Variants in PHACTR1 observed in about 807,000 individuals in gnomAD.
PHACTR1 encodes the protein phosphatase and actin regulator 1, also known as RPEL repeat containing 1.
In PHACTR1, 16 loss-of-function variants were observed where a neutral mutation model predicts 69.2. The observed-to-expected ratio is 0.23, with a 90% CI of 0.16 to 0.35. The LOEUF (loss-of-function observed/expected upper bound fraction) is 0.35, where lower values mean the gene tolerates loss of function less well. Among genes scored for constraint, PHACTR1 ranks in the 10% least tolerant of loss-of-function variants. The pLI is 1.00. For synonymous variants in PHACTR1, 312 were observed against 284.5 expected, an observed-to-expected ratio of 1.10 and a Z score of -0.97; for missense variants, 510 against 734.7, an observed-to-expected ratio of 0.69 and a Z score of 3.54.
chr6:12,792,131 A>G (rs1453399739), intron 4 of PHACTR1, among the ~76,000 whole-genome samples: 1 of 152,128 alleles, frequency 6.6e-6, no homozygotes, highest in Non-Finnish European at 1.5e-5. Context: ...TATGTATATG[A>G]TTATATATCA....
At chr6:13,255,370 A>G (rs1020998108) in intron 10 of PHACTR1, among the ~76,000 whole-genome samples, 2 of 152,170 alleles carry the variant, frequency 1.3e-5, no homozygotes, top group African/African-American at 4.8e-5. Context: ...AGATTTGGGT[A>G]GGGACACAGA....
At chr6:12,730,759 C>T (rs1426593322) in intron 3 of PHACTR1, among the ~76,000 whole-genome samples, 1 of 152,160 alleles carries the variant, frequency 6.6e-6, no homozygotes, top group African/African-American at 2.4e-5. Flanking sequence ...CTCCCACCCT[C>T]CGGCCTCCAA....
chr6:13,204,500 G>A (rs1023944019), intron 7 of PHACTR1, among the ~76,000 whole-genome samples: 2 of 152,186 alleles, frequency 1.3e-5, no homozygotes, highest in African/African-American at 4.8e-5. Context: ...CTCCAGAAAT[G>A]TGGGGTATGG....
intron 4 of PHACTR1, among the ~76,000 whole-genome samples, chr6:12,773,365 A>G (rs1452193462): frequency 6.6e-6 from 1 of 152,206 alleles, no homozygotes; most frequent in Non-Finnish European, 1.5e-5. Flanking sequence ...TATTTTAACA[A>G]TAGTGTGACA....
At chr6:13,124,749 CTCTT>C (rs746607064) in intron 5 of PHACTR1, among the ~76,000 whole-genome samples, 1 of 152,196 alleles carries the variant, frequency 6.6e-6, no homozygotes, top group East Asian at 1.9e-4. Flanking sequence ...TAAGGGCTCT[CTCTT>C]TGGCTTGCAA....
Position 13,116,701 on chromosome 6 carries a change from T to C in PHACTR1, c.416-43503T>C, listed in dbSNP as rs893690351. Among the ~76,000 whole-genome samples, 4 of 152,302 alleles carry C rather than the reference T, an allele frequency of 2.6e-5. No homozygotes were observed. The South Asian group carries it at 6.2e-4, about 24-fold the overall frequency. ...TGTAAGTGTGTAATATTTTGCAATT[T>C]AAAGAAGGTTAAATTATTGTTTAAT... On this transcript the variant is annotated intron_variant, in intron 5 of 14. Coordinates refer to ENST00000332995, the MANE Select transcript of PHACTR1 (RefSeq NM_030948.6).
chr6:13,177,455 G>GTATATA (rs540825034), intron 6 of PHACTR1, among the ~76,000 whole-genome samples: 11 of 149,208 alleles, frequency 7.4e-5, no homozygotes, highest in African/African-American at 2.2e-4. Context: ...GTGTGTGTGT[G>GTATATA]TATATATATA....
rs555611572 is a variant in PHACTR1, at chr6:12,864,793, G to C, written c.250+115003G>C. ...GAAGAGATTCAGTGAAAATCCATGA[G>C]ACAAACATGGAGACCTCCATGGACT... On this transcript the variant is annotated intron_variant, in intron 4 of 14. Transcript: ENST00000332995. 5.9e-5 allele frequency among the ~76,000 whole-genome samples: 9 copies of C among 152,230 alleles called. No individual in the cohort carries two copies. The South Asian group carries it at 8.3e-4, about 14-fold the overall frequency.
At chr6:12,843,587 A>G (rs1778912887) in intron 4 of PHACTR1, among the ~76,000 whole-genome samples, 2 of 152,208 alleles carry the variant, frequency 1.3e-5, no homozygotes, top group Non-Finnish European at 1.5e-5. Flanking sequence ...CTCATAAATA[A>G]TGTGTTAAAC....
In PHACTR1 at chr6:13,280,955, G is replaced by A. The variant is rs574339932; in HGVS notation, c.1510-2467G>A. The A allele has an allele frequency of 9.3e-6, 12 of 1,288,864 alleles. No homozygotes were observed. In the African/African-American group the frequency reaches 1.1e-4, roughly 11 times the overall value. The allele number at this position is 1,288,864 out of a possible 1,614,324, so 79.8% of individuals were successfully genotyped here. ...CACACAGAGGAGCGTCCTGGTGGCC[G>A]TTTGTTAGTGCTGGGGTCCGTGCAC... On this transcript the variant is annotated intron_variant, in intron 12 of 14. Coordinates refer to ENST00000332995, the MANE Select transcript of PHACTR1 (RefSeq NM_030948.6).
chr6:12,902,148 C>T (rs1177805997), intron 4 of PHACTR1, among the ~76,000 whole-genome samples: 1 of 152,126 alleles, frequency 6.6e-6, no homozygotes, highest in African/African-American at 2.4e-5. Context: ...ATAGGCCAGG[C>T]CTGGTGGCTC....
chr6:13,119,085 T>C (rs1406922762), intron 5 of PHACTR1, among the ~76,000 whole-genome samples: 1 of 152,156 alleles, frequency 6.6e-6, no homozygotes, highest in African/African-American at 2.4e-5. Context: ...CTTTTCAGCC[T>C]CTCTCTTTAT....
chr6:12,793,866 A>G (rs1271921286), intron 4 of PHACTR1, among the ~76,000 whole-genome samples: 11 of 152,232 alleles, frequency 7.2e-5, no homozygotes, highest in Non-Finnish European at 1.6e-4. Flanking sequence ...AATGGCAGCT[A>G]GTAATCTGAG....
rs1322970201 is a variant in PHACTR1, at chr6:13,287,223, C to T, written c.*145C>T. 1.1e-6 allele frequency: 1 copy of T among 893,250 alleles called. No individual in the cohort carries two copies. Among genetic ancestry groups the T allele is most frequent in the Non-Finnish European group, 1.7e-6 (1 of 599,234 alleles). 55.3% of individuals were successfully genotyped at this position (893,250 alleles called of 1,614,324 possible). The stretch of plus-strand genomic sequence containing the variant: ...AAAAAGAAGAAAAATCAAGGAAACA[C>T]AATCAGGATTTTATGTGTGAAAACG... On this transcript the variant is annotated 3_prime_UTR_variant, in exon 15 of 15. Transcript: ENST00000332995.
At chr6:13,209,559 G>T (rs1365535232) in intron 8 of PHACTR1, among the ~76,000 whole-genome samples, 1 of 152,150 alleles carries the variant, frequency 6.6e-6, no homozygotes, top group African/African-American at 2.4e-5. Context: ...AAAGTTATAG[G>T]TAATATACAA....
At chr6:13,047,602 T>A (rs1195718645) in intron 4 of PHACTR1, among the ~76,000 whole-genome samples, 1 of 151,950 alleles carries the variant, frequency 6.6e-6, no homozygotes, top group Non-Finnish European at 1.5e-5. Context: ...AGAATCCAAT[T>A]TATGAGAATC....
At chr6:13,207,878 T>TTG (rs1160003838) in intron 8 of PHACTR1, among the ~76,000 whole-genome samples, 1 of 151,910 alleles carries the variant, frequency 6.6e-6, no homozygotes, top group Non-Finnish European at 1.5e-5. Flanking sequence ...GAGCTTCGGG[T>TTG]TGTGTTTTCC....
intron 3 of PHACTR1, among the ~76,000 whole-genome samples, chr6:12,739,790 C>T (rs1164847137): frequency 6.6e-6 from 1 of 152,162 alleles, no homozygotes; most frequent in African/African-American, 2.4e-5. Context: ...CCTGCCATAG[C>T]CTCCCAAAGT....
At chr6:12,782,344 C>T (rs1255741353) in intron 4 of PHACTR1, among the ~76,000 whole-genome samples, 2 of 152,050 alleles carry the variant, frequency 1.3e-5, no homozygotes, top group East Asian at 1.9e-4. Context: ...CAGGTTGGGC[C>T]GGTGTCTAGA....
Sources: allele counts gnomAD v4.1 joint callset (sites outside exome capture counted in the v4.1 genomes callset), GRCh38; gene constraint gnomAD v4.1.1; transcripts MANE v1.5; gene names NCBI Gene and HGNC (gene_info 2026-07-23, HGNC 2026-07-21).